The following MMD variants were observed in gnomAD, a reference collection of about 807,000 sequenced individuals.
MMD encodes monocyte to macrophage differentiation factor.
A neutral mutation model predicts 33.6 loss-of-function variants in MMD; 22 were observed. The observed-to-expected ratio is 0.66, with a 90% CI of 0.47 to 0.94. The LOEUF is 0.94. MMD is among the 40% of genes least tolerant of loss of function. The pLI is 0.00. For missense variants in MMD, 242 were observed against 309.8 expected (o/e 0.78, Z 1.64); for synonymous variants, 97 against 103.2 (o/e 0.94, Z 0.36).
intron 3 of MMD, among the ~76,000 whole-genome samples, chr17:55,410,809 G>C (rs1015289440): frequency 1.3e-5 from 2 of 152,108 alleles, no homozygotes; most frequent in African/African-American, 4.8e-5. Context: ...TCTCATTTTA[G>C]TGATACAGAT....
At chr17:55,419,054 A>G (rs1908079272) in intron 1 of MMD, among the ~76,000 whole-genome samples, 1 of 152,246 alleles carries the variant, frequency 6.6e-6, no homozygotes, top group Admixed American at 6.5e-5. Context: ...GTTGAGAGAC[A>G]GACATGAAGT....
chr17:55,407,567 C>G (rs897221639), intron 4 of MMD, among the ~76,000 whole-genome samples, 179 bp downstream of exon 4: 3 of 151,992 alleles, frequency 2.0e-5, no homozygotes, highest in Non-Finnish European at 2.9e-5. Context: ...TTCAAATATG[C>G]AATCTGACCC....
chr17:55,401,436 GA>G (rs1470007670), intron 6 of MMD, 32 bp downstream of exon 6: 1 of 1,548,170 alleles, frequency 6.5e-7, no homozygotes, highest in Non-Finnish European at 8.8e-7. Context: ...CAGCTTAAAA[GA>G]AAATAACTAA....
chr17:55,397,065 CAT>C (rs752261652), intron 6 of MMD, among the ~76,000 whole-genome samples: 3 of 152,188 alleles, frequency 2.0e-5, no homozygotes, highest in Non-Finnish European at 4.4e-5. Flanking sequence ...TTTACTTCTA[CAT>C]GTTAGAAACC....
intron 3 of MMD, among the ~76,000 whole-genome samples, chr17:55,410,307 T>A (rs1265434189): frequency 6.6e-6 from 1 of 152,246 alleles, no homozygotes; most frequent in African/African-American, 2.4e-5. Context: ...GCATATATTT[T>A]AAATATCAGA....
intron 1 of MMD, among the ~76,000 whole-genome samples, chr17:55,419,666 T>C (rs1195100881): frequency 6.6e-6 from 1 of 152,250 alleles, no homozygotes; most frequent in Non-Finnish European, 1.5e-5. Context: ...TTACATTACT[T>C]TTTGTTTATA....
chr17:55,403,477 A>C (rs970723408), intron 5 of MMD, among the ~76,000 whole-genome samples: 1 of 152,220 alleles, frequency 6.6e-6, no homozygotes, highest in Non-Finnish European at 1.5e-5. Context: ...ACAGAGAATA[A>C]GGCCAATTTG....
intron 1 of MMD, chr17:55,419,961 A>C (rs1165611381): frequency 6.6e-6 from 1 of 152,170 alleles, no homozygotes; most frequent in African/African-American, 2.4e-5. Flanking sequence ...TGGAGAGATC[A>C]GTGTCCAGCA....
At chr17:55,415,222 A>T (rs962578837) in intron 1 of MMD, among the ~76,000 whole-genome samples, 21 of 152,080 alleles carry the variant, frequency 1.4e-4, no homozygotes, top group Non-Finnish European at 2.6e-4. Flanking sequence ...GAGAGAAAAA[A>T]GCAGCTGTCT....
intron 3 of MMD, 55 bp from the exon 4 acceptor site, chr17:55,407,875 C>A: frequency 1.6e-6 from 2 of 1,238,342 alleles, no homozygotes; most frequent in East Asian, 5.1e-5. Flanking sequence ...ATGGGAAGTA[C>A]GGGTTATCAC....
At chr17:55,411,499 C>T in intron 2 of MMD, 82 bp from the exon 3 acceptor site, 1 of 1,399,918 alleles carries the variant, frequency 7.1e-7, no homozygotes, top group Non-Finnish European at 9.6e-7. Flanking sequence ...CAGAGCTTTA[C>T]CAGGAACAAT....
intron 4 of MMD, among the ~76,000 whole-genome samples, chr17:55,405,848 T>C (rs1907523584): frequency 6.6e-6 from 1 of 152,218 alleles, no homozygotes; most frequent in South Asian, 2.1e-4. Flanking sequence ...CAATAGATGA[T>C]TGCAAAATAT....
intron 4 of MMD, 98 bp downstream of exon 4, chr17:55,407,647 GA>G (rs1384911676): frequency 1.9e-6 from 2 of 1,068,258 alleles, no homozygotes; most frequent in Non-Finnish European, 2.8e-6. Flanking sequence ...GTGTACACAT[GA>G]GGGCTGAGGG....
At chr17:55,419,009 AAG>A (rs1908077219) in intron 1 of MMD, among the ~76,000 whole-genome samples, 1 of 152,182 alleles carries the variant, frequency 6.6e-6, no homozygotes, top group South Asian at 2.1e-4. Context: ...GCAGAGAGTT[AAG>A]AGAGAGAAAG....
chr17:55,404,093 A>T (rs1015429084), intron 4 of MMD, among the ~76,000 whole-genome samples: 2 of 152,186 alleles, frequency 1.3e-5, no homozygotes, highest in Non-Finnish European at 2.9e-5. Context: ...GGTGGCTCAC[A>T]TCTGTAATCC....
intron 2 of MMD, among the ~76,000 whole-genome samples, chr17:55,412,150 A>G (rs1907791576): frequency 6.6e-6 from 1 of 152,238 alleles, no homozygotes; most frequent in Non-Finnish European, 1.5e-5. Context: ...ATTGCAATTG[A>G]AATCTCAATA....
At chr17:55,420,892 C>A (rs1908159506) in intron 1 of MMD, among the ~76,000 whole-genome samples, 1 of 152,212 alleles carries the variant, frequency 6.6e-6, no homozygotes, top group Non-Finnish European at 1.5e-5. Context: ...ACGGCGCCCC[C>A]CAGCCCGGCA....
At chr17:55,395,411 G>A (rs1391693837) in intron 6 of MMD, among the ~76,000 whole-genome samples, 3 of 152,216 alleles carry the variant, frequency 2.0e-5, no homozygotes, top group Non-Finnish European at 4.4e-5. Context: ...GGCAGATCAC[G>A]GCAGGGCCTT....
chr17:55,414,555 TTC>T lies in MMD; in HGVS notation c.27-325_27-324del, dbSNP rs1491330373. Among the ~76,000 whole-genome samples, 521 of 58,540 alleles carry T rather than the reference TTC, an allele frequency of 8.9e-3. 3 individuals are homozygous for T. The highest frequency in any genetic ancestry group is 0.037 in the African/African-American group (483 of 12,998). 38.4% of individuals were successfully genotyped at this position (58,540 alleles called of 152,430 possible). On this transcript the variant is annotated intron_variant, in intron 1 of 6. Coordinates refer to ENST00000262065, the MANE Select transcript of MMD (RefSeq NM_012329.3). Reference sequence around the variant, plus strand: ...CTTCAACTGGAACCCTCCTCCTCCATTCACACACACACACACACACACACACA... The same window carrying T: ...CTTCAACTGGAACCCTCCTCCTCCATACACACACACACACACACACACACA...
Sources: allele counts gnomAD v4.1 joint callset (sites outside exome capture counted in the v4.1 genomes callset), GRCh38; gene constraint gnomAD v4.1.1; transcripts MANE v1.5; gene names NCBI Gene and HGNC (gene_info 2026-07-23, HGNC 2026-07-21).